STK35: variants seen among roughly 807,000 people sequenced by gnomAD.
STK35 encodes serine/threonine-protein kinase 35.
Under a neutral mutation model 37.3 loss-of-function variants are expected in STK35, and 17 were observed. That is an observed-to-expected ratio of 0.46 (90% CI 0.31 to 0.68). STK35 has a LOEUF of 0.68. Ranked by LOEUF, STK35 falls within the 30% of genes least tolerant of loss-of-function variation. The pLI, the probability that STK35 is intolerant of heterozygous loss-of-function variation, is 0.05. For synonymous variants in STK35, 385 were observed against 319.1 expected, an observed-to-expected ratio of 1.21 and a Z score of -2.20; for missense variants, 595 against 746.7, an observed-to-expected ratio of 0.80 and a Z score of 2.37.
rs567738145 is a variant in STK35 at position 2,102,444 on chromosome 20, A to T, written c.294+269A>T. Among the ~76,000 whole-genome samples the T allele has an allele frequency of 3.3e-5, 5 of 152,298 alleles. No homozygotes were observed. The South Asian group carries it at 8.3e-4, about 25-fold the overall frequency. ...CACAGAGGGGGCCAAGCAAAGAAAAATATTTCCGCCGGCCAAATCGCGTCT... is the reference window on the plus strand; with the variant it reads ...CACAGAGGGGGCCAAGCAAAGAAAATTATTTCCGCCGGCCAAATCGCGTCT... On this transcript the variant is annotated intron_variant, in intron 1 of 3. Coordinates refer to ENST00000381482, the MANE Select transcript of STK35 (RefSeq NM_080836.4).
At chr20:2,142,460 C>T (rs185890022) in intron 3 of STK35, among the ~76,000 whole-genome samples, 339 of 152,278 alleles carry the variant, frequency 2.2e-3, no homozygotes, top group Middle Eastern at 3.4e-3. Context: ...AAGAAAGGCA[C>T]GCACAGTGAA....
Position 2,117,142 on chromosome 20 carries a change from G to A in STK35, c.1369G>A (p.Glu457Lys), listed in dbSNP as rs1413558578. The change falls in exon 3 of 4, where the codon GAG (glutamate) becomes AAG (lysine). Residue 457 changes from glutamate to lysine, a missense_variant. Physicochemically the swap from Glu to Lys is moderately conservative, Grantham distance 56 (BLOSUM62 1). Transcript: ENST00000381482. This position sits in a 1 kb window ranked among gnomAD's most constrained non-coding sequence, Gnocchi z 4.4. The part of the protein sequence containing the change: ...MIERITFIDS[E>K]TKKELLGTYI... ...AGAAAGAATCACTTTTATTGACTCTGAGACCAAGAAGGAGCTCCTGGGGAC... is the reference window on the plus strand; with the variant it reads ...AGAAAGAATCACTTTTATTGACTCTAAGACCAAGAAGGAGCTCCTGGGGAC... The A allele has an allele frequency of 6.2e-7, 1 of 1,613,958 alleles. No individual in the cohort carries two copies. Among genetic ancestry groups the A allele is most frequent in the Admixed American group, 1.7e-5 (1 of 59,996 alleles).
intron 3 of STK35, among the ~76,000 whole-genome samples, chr20:2,125,061 G>A (rs576913915): frequency 1.6e-4 from 25 of 152,340 alleles, no homozygotes; most frequent in Non-Finnish European, 2.5e-4. Context: ...GGCTGTTGAC[G>A]TCAAGGCCCA....
At chr20:2,141,186 G>A (rs895803794) in intron 3 of STK35, among the ~76,000 whole-genome samples, 6 of 152,196 alleles carry the variant, frequency 3.9e-5, no homozygotes, top group Non-Finnish European at 8.8e-5. Context: ...AAAGCAATAG[G>A]CATGCTAAAT....
At chr20:2,114,894 C>G (rs1300483004) in intron 2 of STK35, among the ~76,000 whole-genome samples, 2 of 152,160 alleles carry the variant, frequency 1.3e-5, no homozygotes, top group African/African-American at 2.4e-5. Context: ...CTTTTCCTTT[C>G]TGGTTCTACC....
At chr20:2,103,436 ACT>A in intron 2 of STK35, 71 bp downstream of exon 2, 3 of 1,465,712 alleles carry the variant, frequency 2.0e-6, no homozygotes, top group Non-Finnish European at 1.9e-6. Context: ...CTTGGCCCAC[ACT>A]GTTCCTGGCC....
At chr20:2,108,359 A>C (rs1210553995) in intron 2 of STK35, among the ~76,000 whole-genome samples, 1 of 151,982 alleles carries the variant, frequency 6.6e-6, no homozygotes. Context: ...AAATACAAAA[A>C]ATCAGCTGGG....
At chr20:2,139,506 C>T (rs976178122) in intron 3 of STK35, among the ~76,000 whole-genome samples, 1 of 152,194 alleles carries the variant, frequency 6.6e-6, no homozygotes, top group Admixed American at 6.5e-5. Context: ...GATTTTGCAT[C>T]GTTACATGTC....
chr20:2,140,140 A>C (rs1390145214), intron 3 of STK35, among the ~76,000 whole-genome samples: 7 of 152,220 alleles, frequency 4.6e-5, no homozygotes, highest in Non-Finnish European at 1.0e-4. Context: ...GTAATCATGG[A>C]AGGGCACTAC....
intron 2 of STK35, among the ~76,000 whole-genome samples, chr20:2,116,258 G>A (rs555856325): frequency 1.3e-5 from 2 of 152,264 alleles, no homozygotes; most frequent in South Asian, 4.1e-4. Context: ...AAAAGAGAGG[G>A]AAGGTCATTT....
At chr20:2,124,750 C>T (rs947436) in intron 3 of STK35, among the ~76,000 whole-genome samples, 7,569 of 152,168 alleles carry the variant, frequency 0.05, 274 homozygotes, top group Admixed American at 0.1. Flanking sequence ...CTGTGAAGAC[C>T]CTAGTGGCGC....
intron 2 of STK35, among the ~76,000 whole-genome samples, chr20:2,110,444 A>G (rs893241575): frequency 1.3e-5 from 2 of 152,142 alleles, no homozygotes; most frequent in African/African-American, 4.8e-5. Flanking sequence ...GCCAATTGGT[A>G]TTACCATAGT....
intron 2 of STK35, among the ~76,000 whole-genome samples, chr20:2,113,362 T>C (rs1344071509): frequency 6.6e-6 from 1 of 152,156 alleles, no homozygotes; most frequent in Non-Finnish European, 1.5e-5. Context: ...AATAAAAATA[T>C]GAAACTAGGG....
chr20:2,134,436 G>A (rs987893117), intron 3 of STK35, among the ~76,000 whole-genome samples: 3 of 152,150 alleles, frequency 2.0e-5, no homozygotes, highest in African/African-American at 7.2e-5. Flanking sequence ...CAAGTTGTAC[G>A]TCTCACCTGT....
intron 2 of STK35, among the ~76,000 whole-genome samples, chr20:2,112,580 T>TC (rs1214460794): frequency 4.6e-5 from 7 of 151,888 alleles, no homozygotes; most frequent in Admixed American, 6.6e-5. Context: ...TTCTCTCCTA[T>TC]CCCCCCCAGT....
In STK35 at chr20:2,102,796, G is replaced by C; in HGVS notation, c.323G>C (p.Arg108Pro). ...QVTIQGPAPP[R>P]PRAGRRDEAG... is the part of the protein sequence containing the mutation. ...ACAATCCAAGGTCCGGCTCCTCCGC[G>C]TCCCAGGGCCGGACGGAGGGATGAG... Residue 108 changes from arginine to proline, a missense_variant, in exon 2 of 4, where the codon CGT becomes CCT. This residue lies in a region of STK35 where 389 missense variants were observed against 320.0 expected (regional missense o/e 1.22). Transcript: ENST00000381482. 4.0e-6 allele frequency: 6 copies of C among 1,489,492 alleles called. No homozygotes were observed. Among genetic ancestry groups the C allele is most frequent in the Non-Finnish European group, 5.3e-6 (6 of 1,123,066 alleles). The allele number at this position is 1,489,492 out of a possible 1,614,324, so 92.3% of individuals were successfully genotyped here.
At chr20:2,121,205 A>G (rs1339831136) in intron 3 of STK35, among the ~76,000 whole-genome samples, 1 of 152,206 alleles carries the variant, frequency 6.6e-6, no homozygotes, top group Non-Finnish European at 1.5e-5. Context: ...GCTGTGTGAT[A>G]TCTGCTCTTT....
In STK35 at chr20:2,102,776, C is replaced by A; in HGVS notation, c.303C>A (p.Ile101=). 1 of 1,454,690 alleles carries A rather than the reference C, an allele frequency of 6.9e-7. No individual in the cohort carries two copies. The highest frequency in any genetic ancestry group is 1.3e-5 in the South Asian group (1 of 76,624). The allele number at this position is 1,454,690 out of a possible 1,614,324, so 90.1% of individuals were successfully genotyped here. A position where few individuals can be genotyped will look rare whatever the true frequency, so the allele number is the denominator to read the frequency against. Residue 101 remains isoleucine, a synonymous_variant, in exon 2 of 4, where the codon ATC becomes ATA. Coordinates refer to ENST00000381482, the MANE Select transcript of STK35 (RefSeq NM_080836.4). ...GATTCTTTCGCCCGCAGGTCACAAT[C>A]CAAGGTCCGGCTCCTCCGCGTCCCA... ...RKWRCAGQVT[I]QGPAPPRPRA...
Position 2,117,911 on chromosome 20 carries a change from C to T in STK35, c.*37+496C>T, listed in dbSNP as rs1462434296. Reference sequence around the variant, plus strand: ...GGAGAAACGTGCAATTATCTGAGTACACGTTGGAAAGTCTAGAGAAGTCTT... The same window carrying T: ...GGAGAAACGTGCAATTATCTGAGTATACGTTGGAAAGTCTAGAGAAGTCTT... On this transcript the variant is annotated intron_variant, in intron 3 of 3. Coordinates refer to ENST00000381482, the MANE Select transcript of STK35 (RefSeq NM_080836.4). This position sits in a 1 kb window ranked among gnomAD's most constrained non-coding sequence, Gnocchi z 4.4. Among the ~76,000 whole-genome samples the T allele has an allele frequency of 1.3e-5, 2 of 152,218 alleles. No homozygotes were observed. The highest frequency in any genetic ancestry group is 4.8e-5 in the African/African-American group (2 of 41,444).
Sources: allele counts gnomAD v4.1 joint callset (sites outside exome capture counted in the v4.1 genomes callset), GRCh38; gene constraint gnomAD v4.1.1; regional missense constraint gnomAD v4.1.1; non-coding constraint Gnocchi (gnomAD v3.1); transcripts MANE v1.5; gene names NCBI Gene and HGNC (gene_info 2026-07-23, HGNC 2026-07-21).